Variants in KCNIP4 observed in about 807,000 individuals in gnomAD.
KCNIP4 encodes potassium voltage-gated channel interacting protein 4.
KCNIP4 carries 12 observed loss-of-function variants against 34.0 expected under a neutral mutation model. The observed-to-expected ratio is 0.35, with a 90% confidence interval of 0.23 to 0.57. The LOEUF (loss-of-function observed/expected upper bound fraction) is 0.57, where lower values mean the gene tolerates loss of function less well. Among genes scored for constraint, KCNIP4 ranks in the 20% least tolerant of loss-of-function variants. KCNIP4 has a pLI of 0.83. For synonymous variants in KCNIP4, 124 were observed against 102.2 expected (o/e 1.21, Z -1.29); for missense variants, 238 against 311.7 (o/e 0.76, Z 1.78).
intron 1 of KCNIP4, among the ~76,000 whole-genome samples, chr4:20,955,759 T>G (rs555881362): frequency 1.3e-5 from 2 of 152,220 alleles, no homozygotes; most frequent in Non-Finnish European, 2.9e-5. Context: ...TATTCCAATT[T>G]CATTTCATAG....
At chr4:21,499,011 C>G (rs1733080482) in intron 1 of KCNIP4, among the ~76,000 whole-genome samples, 1 of 152,094 alleles carries the variant, frequency 6.6e-6, no homozygotes, top group Non-Finnish European at 1.5e-5. Context: ...ACTAAAATCA[C>G]TGGTCCCATT....
intron 1 of KCNIP4, among the ~76,000 whole-genome samples, chr4:20,883,719 T>TA (rs143179823): frequency 0.079 from 12,053 of 152,224 alleles, 512 homozygotes; most frequent in East Asian, 0.15. Context: ...CTTGGAATTA[T>TA]AAAAAAATTC....
At chr4:21,688,903 C>T (rs924035184) in intron 1 of KCNIP4, among the ~76,000 whole-genome samples, 8 of 152,006 alleles carry the variant, frequency 5.3e-5, no homozygotes, top group African/African-American at 1.7e-4. Flanking sequence ...ACATATTTTA[C>T]AGTCCCGTTG....
At chr4:20,783,728 G>T (rs951067999) in intron 3 of KCNIP4, among the ~76,000 whole-genome samples, 5 of 152,138 alleles carry the variant, frequency 3.3e-5, no homozygotes, top group African/African-American at 1.2e-4. Flanking sequence ...CTACCATTAA[G>T]TAAGCACACA....
At chr4:21,263,587 C>A (rs964568485) in intron 1 of KCNIP4, among the ~76,000 whole-genome samples, 2 of 152,292 alleles carry the variant, frequency 1.3e-5, no homozygotes, top group Admixed American at 6.5e-5. Context: ...AAATCGGCAC[C>A]ACCACTTTCT....
intron 1 of KCNIP4, among the ~76,000 whole-genome samples, chr4:21,006,377 C>G (rs1738559572): frequency 6.6e-6 from 1 of 152,088 alleles, no homozygotes; most frequent in Admixed American, 6.6e-5. Context: ...GAATTTCTTC[C>G]CATTCTTGTA....
intron 1 of KCNIP4, among the ~76,000 whole-genome samples, chr4:21,307,331 G>A (rs1023705959): frequency 6.6e-6 from 1 of 152,096 alleles, no homozygotes; most frequent in Non-Finnish European, 1.5e-5. Flanking sequence ...CCATGAGTAA[G>A]TGACTTGACT....
intron 1 of KCNIP4, among the ~76,000 whole-genome samples, chr4:20,993,050 A>AAG (rs1388966542): frequency 6.6e-6 from 1 of 150,900 alleles, no homozygotes; most frequent in African/African-American, 2.4e-5. Flanking sequence ...AAAAAAAAAA[A>AAG]AGAGAGCACA....
chr4:21,024,640 A>G (rs1296517172), intron 1 of KCNIP4, among the ~76,000 whole-genome samples: 1 of 152,178 alleles, frequency 6.6e-6, no homozygotes, highest in Non-Finnish European at 1.5e-5. Context: ...CAATAAGTCT[A>G]TTATTCTCTG....
rs572152449 is a variant in KCNIP4, at chr4:21,011,566, G to T, written c.62-128857C>A. ...CGTATAATTTAAATTTATAGAAAAT[G>T]TTCACAGGAACCAGATCACAGGGCA... is the stretch of plus-strand genomic sequence containing the variant. On this transcript the variant is annotated intron_variant, in intron 1 of 8. Transcript: ENST00000382152. 7.2e-5 allele frequency among the ~76,000 whole-genome samples: 11 copies of T among 152,202 alleles called. No individual in the cohort carries two copies. The East Asian group carries it at 2.1e-3, about 29-fold the overall frequency.
chr4:21,669,020 A>C (rs1171602446), intron 1 of KCNIP4, among the ~76,000 whole-genome samples: 1 of 152,014 alleles, frequency 6.6e-6, no homozygotes, highest in African/African-American at 2.4e-5. Flanking sequence ...CCTCCTCCTC[A>C]GCCTACTCAA....
chr4:21,379,195 G>A (rs1011663689), intron 1 of KCNIP4, among the ~76,000 whole-genome samples: 1 of 152,044 alleles, frequency 6.6e-6, no homozygotes, highest in African/African-American at 2.4e-5. Context: ...GCTTTAACCT[G>A]CTGAATAGTA....
chr4:21,260,728 A>G (rs1045852291), intron 1 of KCNIP4, among the ~76,000 whole-genome samples: 1 of 152,206 alleles, frequency 6.6e-6, no homozygotes, highest in Admixed American at 6.5e-5. Flanking sequence ...ACAGTGCTTC[A>G]GACATTCACT....
intron 1 of KCNIP4, among the ~76,000 whole-genome samples, chr4:21,524,839 C>T (rs1217869296): frequency 6.6e-6 from 1 of 151,956 alleles, no homozygotes; most frequent in East Asian, 1.9e-4. Flanking sequence ...TTGCACATAA[C>T]AGGAAGTCAA....
At chr4:21,581,447 A>G (rs1741191931) in intron 1 of KCNIP4, among the ~76,000 whole-genome samples, 1 of 151,990 alleles carries the variant, frequency 6.6e-6, no homozygotes, top group Non-Finnish European at 1.5e-5. Context: ...AGAAGATAGG[A>G]AGGTAACGGA....
intron 3 of KCNIP4, among the ~76,000 whole-genome samples, chr4:20,787,915 A>G (rs1712224210): frequency 6.6e-6 from 1 of 152,142 alleles, no homozygotes; most frequent in African/African-American, 2.4e-5. Context: ...GAAGGTTTTT[A>G]ATATCTAATC....
chr4:21,483,321 T>A (rs1269334120), intron 1 of KCNIP4, among the ~76,000 whole-genome samples: 1 of 152,046 alleles, frequency 6.6e-6, no homozygotes, highest in East Asian at 1.9e-4. Flanking sequence ...AACTGACGTT[T>A]GTTAATATGG....
chr4:21,617,204 ATAGAG>A (rs1442216846), intron 1 of KCNIP4, among the ~76,000 whole-genome samples: 2 of 152,222 alleles, frequency 1.3e-5, no homozygotes, highest in African/African-American at 4.8e-5. Context: ...ACATTACAAA[ATAGAG>A]TAATTTCTAA....
chr4:20,779,118 C>G (rs1756624516), intron 3 of KCNIP4, among the ~76,000 whole-genome samples: 1 of 152,096 alleles, frequency 6.6e-6, no homozygotes, highest in African/African-American at 2.4e-5. Context: ...AAGAATAAGT[C>G]AGCAAATAAA....
Sources: gnomAD v4.1 joint callset for allele counts (sites outside exome capture counted in the v4.1 genomes callset) on GRCh38, gnomAD v4.1.1 for gene constraint, MANE v1.5 for transcripts, NCBI Gene and HGNC (gene_info 2026-07-23, HGNC 2026-07-21) for gene names.